DOCK4: variants seen among roughly 807,000 people sequenced by gnomAD.
DOCK4 encodes dedicator of cytokinesis protein 4.
In DOCK4, 97 loss-of-function variants were observed where a neutral mutation model predicts 268.1. The ratio of observed to expected loss-of-function variants is 0.36; its 90% confidence interval spans 0.31 to 0.43. The LOEUF is 0.43. Ranked by LOEUF, DOCK4 falls within the 20% of genes least tolerant of loss-of-function variation. The pLI, the probability that DOCK4 is intolerant of heterozygous loss-of-function variation, is 1.00. For missense variants in DOCK4, 2,145 were observed against 2,455.7 expected (o/e 0.87, Z 2.67); for synonymous variants, 954 against 887.2 (o/e 1.08, Z -1.34).
chr7:112,007,973 C>T (rs1172168271), intron 1 of DOCK4, among the ~76,000 whole-genome samples: 2 of 152,154 alleles, frequency 1.3e-5, no homozygotes, highest in African/African-American at 4.8e-5. Flanking sequence ...ATGTACACTT[C>T]CCAGGGGCAT....
intron 25 of DOCK4, among the ~76,000 whole-genome samples, chr7:111,839,101 G>C (rs771459046): frequency 3.9e-5 from 6 of 152,176 alleles, no homozygotes; most frequent in Admixed American, 6.5e-5. Flanking sequence ...GTGAACCCAG[G>C]TATCCCTGGT....
At chr7:111,874,518 A>G (rs1806682177) in intron 17 of DOCK4, among the ~76,000 whole-genome samples, 1 of 152,212 alleles carries the variant, frequency 6.6e-6, no homozygotes, top group Non-Finnish European at 1.5e-5. Flanking sequence ...AGTTATGTCC[A>G]TCTGGATGTA....
chr7:112,064,666 G>A (rs62474292), intron 1 of DOCK4, among the ~76,000 whole-genome samples: 1 of 147,728 alleles, frequency 6.8e-6, no homozygotes, highest in African/African-American at 2.6e-5. Flanking sequence ...CAGCTATTAT[G>A]GGCTGAACTG....
At chr7:111,781,515 T>A (rs1486219969) in intron 35 of DOCK4, among the ~76,000 whole-genome samples, 1 of 152,154 alleles carries the variant, frequency 6.6e-6, no homozygotes, top group African/African-American at 2.4e-5. Context: ...GGCCTGCAGG[T>A]TACCGTTGGG....
chr7:112,044,971 C>CA (rs1003316706), intron 1 of DOCK4, among the ~76,000 whole-genome samples: 20 of 152,156 alleles, frequency 1.3e-4, no homozygotes, highest in African/African-American at 4.3e-4. Flanking sequence ...CTCCTAACCC[C>CA]AAAACCCTTC....
intron 27 of DOCK4, chr7:111,820,565 C>G (rs1005193986): frequency 1.3e-5 from 2 of 152,160 alleles, no homozygotes; most frequent in Non-Finnish European, 2.9e-5. Context: ...AGACTGCTAT[C>G]CATTTGTGTG....
chr7:111,748,438 A>G (rs767711591), intron 42 of DOCK4, among the ~76,000 whole-genome samples: 9 of 152,206 alleles, frequency 5.9e-5, no homozygotes, highest in Non-Finnish European at 1.2e-4. Flanking sequence ...AAACGACCCA[A>G]TAAAAAATGA....
At chr7:111,784,709 T>A (rs905624963) in intron 32 of DOCK4, among the ~76,000 whole-genome samples, 1 of 152,144 alleles carries the variant, frequency 6.6e-6, no homozygotes, top group Non-Finnish European at 1.5e-5. Context: ...ATAATTACAA[T>A]CTGTGTCACT....
chr7:112,052,328 A>G (rs1805438159), intron 1 of DOCK4, among the ~76,000 whole-genome samples: 1 of 152,158 alleles, frequency 6.6e-6, no homozygotes, highest in Non-Finnish European at 1.5e-5. Context: ...ATATACCTAT[A>G]TATTTTAAAT....
At chr7:111,919,012 T>C (rs910248266) in intron 12 of DOCK4, among the ~76,000 whole-genome samples, 5 of 152,032 alleles carry the variant, frequency 3.3e-5, no homozygotes, top group African/African-American at 9.7e-5. Flanking sequence ...AAAGAGATCA[T>C]GCTATTCACA....
At chr7:112,032,696 T>G (rs972062460) in intron 1 of DOCK4, among the ~76,000 whole-genome samples, 6 of 152,192 alleles carry the variant, frequency 3.9e-5, no homozygotes, top group Admixed American at 3.9e-4. Flanking sequence ...ATCATTGTGA[T>G]TTTATGTTGT....
intron 1 of DOCK4, among the ~76,000 whole-genome samples, chr7:112,074,062 C>A (rs1807846371): frequency 6.6e-6 from 1 of 152,124 alleles, no homozygotes; most frequent in Non-Finnish European, 1.5e-5. Context: ...ATAGTTGTAT[C>A]TAAAATGAGT....
At chr7:112,203,035 T>C (rs1256671645) in intron 1 of DOCK4, among the ~76,000 whole-genome samples, 1 of 152,118 alleles carries the variant, frequency 6.6e-6, no homozygotes, top group Non-Finnish European at 1.5e-5. Context: ...AATGAAGATG[T>C]TTTTCTAACC....
intron 1 of DOCK4, among the ~76,000 whole-genome samples, chr7:112,112,534 C>A (rs981288456): frequency 6.6e-6 from 1 of 152,004 alleles, no homozygotes; most frequent in Admixed American, 6.6e-5. Flanking sequence ...GTCCTACCTA[C>A]TCAGGAGGCT....
chr7:111,751,025 T>C (rs1176182638), intron 42 of DOCK4, among the ~76,000 whole-genome samples: 1 of 151,788 alleles, frequency 6.6e-6, no homozygotes, highest in African/African-American at 2.4e-5. Flanking sequence ...TAAATAAACA[T>C]GAAATAAAAT....
At chr7:112,130,676 G>T (rs1813718945) in intron 1 of DOCK4, among the ~76,000 whole-genome samples, 1 of 152,182 alleles carries the variant, frequency 6.6e-6, no homozygotes, top group Non-Finnish European at 1.5e-5. Flanking sequence ...CCTTCTCAAT[G>T]CTGGTCTACA....
Position 112,000,491 on chromosome 7 carries a change from TA to T in DOCK4, c.162+2del. 6.7e-7 allele frequency: 1 copy of T among 1,488,492 alleles called. No individual in the cohort carries two copies. Among genetic ancestry groups the T allele is most frequent in the Non-Finnish European group, 9.2e-7 (1 of 1,091,054 alleles). 92.2% of individuals were successfully genotyped at this position (1,488,492 alleles called of 1,614,324 possible). A position where few individuals can be genotyped will look rare whatever the true frequency, so the allele number is the denominator to read the frequency against. ...AATTATAGTTAGAAATAACAATTTT[TA>T]CCTTGATATTTGGGTTTTTTAAGGC... On this transcript the variant is annotated splice_donor_variant, in intron 3 of 52. Coordinates refer to ENST00000428084, the MANE Select transcript of DOCK4 (RefSeq NM_001363540.2). LOFTEE classifies it high-confidence loss of function.
At chr7:112,012,314 C>A (rs1292478103) in intron 1 of DOCK4, among the ~76,000 whole-genome samples, 1 of 151,172 alleles carries the variant, frequency 6.6e-6, no homozygotes, top group South Asian at 2.1e-4. Context: ...GGAAAAAAAG[C>A]TGATAATACT....
rs772530634 is a variant in DOCK4, at chr7:111,767,091, G to T, written c.3856C>A (p.Arg1286=). The T allele has an allele frequency of 6.2e-7, 1 of 1,613,486 alleles. No individual in the cohort carries two copies. The highest frequency in any genetic ancestry group is 1.7e-5 in the Admixed American group (1 of 59,984). ...KCWENGIILC[R]KIAEQYESYY... ...CTCTCATACTGCTCTGCAATCTTCC[G>T]GCACAAGATAATGCCATTCTCCCAA... The change falls in exon 38 of 53, where the codon CGG becomes AGG. Residue 1286 remains arginine (R), a synonymous_variant. Coordinates refer to ENST00000428084, the MANE Select transcript of DOCK4 (RefSeq NM_001363540.2).
Sources: allele counts gnomAD v4.1 joint callset (sites outside exome capture counted in the v4.1 genomes callset), GRCh38; gene constraint gnomAD v4.1.1; transcripts MANE v1.5; gene names NCBI Gene and HGNC (gene_info 2026-07-23, HGNC 2026-07-21).